NHEJ1: variants seen among roughly 807,000 people sequenced by gnomAD.
NHEJ1 encodes the protein non-homologous end-joining factor 1.
NHEJ1 carries 22 observed loss-of-function variants against 39.4 expected under a neutral mutation model. The observed-to-expected ratio is 0.56, with a 90% CI of 0.40 to 0.80. The LOEUF (loss-of-function observed/expected upper bound fraction) is 0.80, where lower values mean the gene tolerates loss of function less well. NHEJ1 is among the 30% of genes least tolerant of loss of function. The pLI is 0.00. For synonymous variants in NHEJ1, 154 were observed against 135.6 expected (o/e 1.14, Z -0.94); for missense variants, 329 against 357.1 (o/e 0.92, Z 0.63).
chr2:219,125,972 T>C (rs970339031), intron 5 of NHEJ1, among the ~76,000 whole-genome samples: 1 of 152,194 alleles, frequency 6.6e-6, no homozygotes, highest in Non-Finnish European at 1.5e-5. Context: ...CCAAGGAAAA[T>C]ATTTTGGCAG....
intron 5 of NHEJ1, among the ~76,000 whole-genome samples, chr2:219,109,566 G>C (rs981392527): frequency 3.3e-5 from 5 of 152,170 alleles, no homozygotes; most frequent in African/African-American, 9.7e-5. Context: ...AGCACTTGCT[G>C]CATCAAGGGC....
rs968196616 is a variant in NHEJ1 at position 219,072,039 on chromosome 2, A to G, written c.*4342T>C. 2.0e-4 allele frequency among the ~76,000 whole-genome samples: 31 copies of G among 152,328 alleles called. No individual in the cohort carries two copies. Among genetic ancestry groups the G allele is most frequent in the African/African-American group, 7.5e-4 (31 of 41,578 alleles). On this transcript the variant is annotated 3_prime_UTR_variant, in exon 8 of 8. Coordinates refer to ENST00000356853, the MANE Select transcript of NHEJ1 (RefSeq NM_024782.3). ...AAAAAAAGTCTCAGAAGATGGGATG[A>G]AAGATCAAGAAAGATGGACTTCTAG... is the stretch of plus-strand genomic sequence containing the variant.
chr2:219,089,499 T>C (rs181549541), intron 5 of NHEJ1, among the ~76,000 whole-genome samples: 5 of 152,302 alleles, frequency 3.3e-5, no homozygotes, highest in Non-Finnish European at 7.4e-5. Flanking sequence ...GACCACATAC[T>C]GTATGATTCC....
intron 5 of NHEJ1, among the ~76,000 whole-genome samples, chr2:219,139,177 T>A (rs1419628141): frequency 1.3e-5 from 2 of 151,912 alleles, no homozygotes; most frequent in Admixed American, 6.6e-5. Flanking sequence ...AACCTCTGCC[T>A]CCCGGGTTCA....
In NHEJ1 at chr2:219,111,463, C is replaced by A. The variant is rs1949364397; in HGVS notation, c.589-33257G>T. Among the ~76,000 whole-genome samples the A allele has an allele frequency of 6.6e-6, 1 of 152,174 alleles. No homozygotes were observed. Among genetic ancestry groups the A allele is most frequent in the Admixed American group, 6.5e-5 (1 of 15,276 alleles). On this transcript the variant is annotated intron_variant, in intron 5 of 7. Coordinates refer to ENST00000356853, the MANE Select transcript of NHEJ1 (RefSeq NM_024782.3). The surrounding 1 kb of genome is among the most constrained non-coding windows in gnomAD (Gnocchi z 4.1). ...GCATTACAGAATACTAATAAACAGT[C>A]TTCTCTGTCCCCTGACCCCTAGAAA...
intron 5 of NHEJ1, among the ~76,000 whole-genome samples, chr2:219,128,700 T>C (rs1286655492): frequency 6.6e-6 from 1 of 152,162 alleles, no homozygotes; most frequent in Non-Finnish European, 1.5e-5. Context: ...TTGCCCGGCC[T>C]CAGGAGAAGC....
chr2:219,134,875 T>C (rs1949610828), intron 5 of NHEJ1, among the ~76,000 whole-genome samples: 1 of 151,712 alleles, frequency 6.6e-6, no homozygotes, highest in African/African-American at 2.4e-5. Flanking sequence ...CCGTCTCTAC[T>C]AAAAATACAA....
chr2:219,106,323 T>C (rs1009626291), intron 5 of NHEJ1, among the ~76,000 whole-genome samples: 1 of 151,888 alleles, frequency 6.6e-6, no homozygotes, highest in Non-Finnish European at 1.5e-5. Flanking sequence ...GAGGAAAGGA[T>C]AAAAAAGGAG....
chr2:219,117,625 C>G (rs908580014), intron 5 of NHEJ1, among the ~76,000 whole-genome samples: 2 of 152,230 alleles, frequency 1.3e-5, no homozygotes, highest in African/African-American at 4.8e-5. Flanking sequence ...TTTCAAACCA[C>G]GAACTCAGAA....
intron 5 of NHEJ1, among the ~76,000 whole-genome samples, chr2:219,135,380 G>C (rs1163995636): frequency 6.6e-6 from 1 of 152,122 alleles, no homozygotes; most frequent in African/African-American, 2.4e-5. Context: ...GCCGAGGTGG[G>C]TGGATCACTC....
chr2:219,091,704 G>C (rs1027832259), intron 5 of NHEJ1, among the ~76,000 whole-genome samples: 2 of 152,176 alleles, frequency 1.3e-5, no homozygotes, highest in Admixed American at 1.3e-4. Flanking sequence ...ACTCTCTGAG[G>C]AAACGCCAAG....
At chr2:219,155,822 C>T (rs576111061) in intron 3 of NHEJ1, among the ~76,000 whole-genome samples, 28 of 150,968 alleles carry the variant, frequency 1.9e-4, no homozygotes, top group South Asian at 1.2e-3. Flanking sequence ...CTACGGGGGG[C>T]GCTGAGGCAG....
chr2:219,157,991 TCA>T lies in NHEJ1; in HGVS notation c.177+193_177+194del, dbSNP rs58103413. On this transcript the variant is annotated intron_variant, in intron 2 of 7. Coordinates refer to ENST00000356853, the MANE Select transcript of NHEJ1 (RefSeq NM_024782.3). ...CTTTCTTTCTCTCTCTCTCTCTCTC[TCA>T]CACACACACACACACACACACACAC... Among the ~76,000 whole-genome samples, 11,863 of 98,624 alleles carry T rather than the reference TCA, an allele frequency of 0.12. 933 individuals are homozygous for T. The highest frequency in any genetic ancestry group is 0.27 in the African/African-American group (7,848 of 29,216). The allele number at this position is 98,624 out of a possible 152,430, so 64.7% of individuals were successfully genotyped here. A position where few individuals can be genotyped will look rare whatever the true frequency, so the allele number is the denominator to read the frequency against.
intron 5 of NHEJ1, among the ~76,000 whole-genome samples, chr2:219,100,253 A>G (rs560138275): frequency 6.6e-6 from 1 of 152,322 alleles, no homozygotes; most frequent in East Asian, 1.9e-4. Flanking sequence ...ATACAAATCT[A>G]TCAGGACGTG....
intron 5 of NHEJ1, among the ~76,000 whole-genome samples, chr2:219,135,413 C>G (rs914200586): frequency 6.6e-6 from 1 of 152,122 alleles, no homozygotes; most frequent in Non-Finnish European, 1.5e-5. Context: ...TTGAGACCAG[C>G]CTGGCCAACA....
chr2:219,098,541 G>A (rs1385625887), intron 5 of NHEJ1, among the ~76,000 whole-genome samples: 2 of 152,208 alleles, frequency 1.3e-5, no homozygotes, highest in Non-Finnish European at 2.9e-5. Context: ...GTAGGAAGTA[G>A]AAGTATGGTT....
chr2:219,094,530 AT>A (rs1467826867), intron 5 of NHEJ1, among the ~76,000 whole-genome samples: 1 of 152,162 alleles, frequency 6.6e-6, no homozygotes, highest in African/African-American at 2.4e-5. Flanking sequence ...CCGGTTCAGA[AT>A]CTCTTCATCC....
chr2:219,160,671 G>GCC (rs1949927040), intron 1 of NHEJ1, 49 bp downstream of exon 1: 1 of 152,262 alleles, frequency 6.6e-6, no homozygotes, highest in African/African-American at 2.4e-5. Context: ...CGTCTGAGCA[G>GCC]CCCCTCGCTG....
At chr2:219,153,459 A>G (rs1269781806) in intron 3 of NHEJ1, among the ~76,000 whole-genome samples, 1 of 152,246 alleles carries the variant, frequency 6.6e-6, no homozygotes, top group Non-Finnish European at 1.5e-5. Flanking sequence ...AATATCAAGA[A>G]TTATATTAGA....
Sources: gnomAD v4.1 joint callset for allele counts (sites outside exome capture counted in the v4.1 genomes callset) on GRCh38, gnomAD v4.1.1 for gene constraint, Gnocchi (gnomAD v3.1) non-coding constraint, MANE v1.5 for transcripts, NCBI Gene and HGNC (gene_info 2026-07-23, HGNC 2026-07-21) for gene names.